The following CNTNAP2 variants were observed in gnomAD, a reference collection of about 807,000 sequenced individuals.
The protein encoded by CNTNAP2 is contactin associated protein 2, also known as contactin-associated protein-like 2.
A neutral mutation model predicts 155.2 loss-of-function variants in CNTNAP2; 98 were observed. That is an observed-to-expected ratio of 0.63 (90% CI 0.54 to 0.75). The LOEUF is 0.75. CNTNAP2 is among the 30% of genes least tolerant of loss of function. The pLI is 0.00. For missense variants in CNTNAP2, 1,727 were observed against 1,688.1 expected (o/e 1.02, Z -0.40); for synonymous variants, 651 against 631.2 (o/e 1.03, Z -0.47).
intron 21 of CNTNAP2, among the ~76,000 whole-genome samples, chr7:148,326,694 G>A (rs558372369): frequency 6.6e-4 from 101 of 152,010 alleles, no homozygotes; most frequent in South Asian, 6.2e-3. Flanking sequence ...GTGAAACCCC[G>A]TCTCTACTAA....
intron 1 of CNTNAP2, among the ~76,000 whole-genome samples, chr7:146,314,288 C>T (rs1800873891): frequency 1.3e-5 from 2 of 152,178 alleles, no homozygotes; most frequent in South Asian, 4.1e-4. Flanking sequence ...GTCCAGCCTG[C>T]TGTCTTTGTT....
intron 1 of CNTNAP2, among the ~76,000 whole-genome samples, chr7:146,151,682 G>GTATATATATATATATATGTGTA (rs775446723): frequency 4.0e-5 from 3 of 74,138 alleles, no homozygotes; most frequent in Non-Finnish European, 5.5e-5. Flanking sequence ...ATATATATAT[G>GTATATATATATATATATGTGTA]TATATATATA....
At chr7:147,182,734 T>A (rs1368456570) in intron 8 of CNTNAP2, among the ~76,000 whole-genome samples, 1 of 152,124 alleles carries the variant, frequency 6.6e-6, no homozygotes, top group Non-Finnish European at 1.5e-5. Flanking sequence ...TTTATTTTTT[T>A]ATTATTTCTC....
intron 2 of CNTNAP2, among the ~76,000 whole-genome samples, chr7:146,839,156 C>T (rs1025695364): frequency 2.0e-5 from 3 of 152,052 alleles, no homozygotes; most frequent in Non-Finnish European, 2.9e-5. Context: ...GTTAAATAAA[C>T]ATTCTTCCTG....
chr7:146,171,737 A>C (rs1798393679), intron 1 of CNTNAP2, among the ~76,000 whole-genome samples: 1 of 152,134 alleles, frequency 6.6e-6, no homozygotes. Context: ...TAGTATCATA[A>C]AACATATATA....
intron 13 of CNTNAP2, among the ~76,000 whole-genome samples, chr7:147,692,895 G>T (rs926062576): frequency 2.0e-5 from 3 of 151,844 alleles, no homozygotes; most frequent in Admixed American, 1.3e-4. Flanking sequence ...CTTAGATGTT[G>T]TATCTAAAAA....
intron 8 of CNTNAP2, among the ~76,000 whole-genome samples, chr7:147,142,643 G>A (rs1197735484): frequency 6.6e-6 from 1 of 152,118 alleles, no homozygotes; most frequent in Admixed American, 6.6e-5. Context: ...AGTTTCAGAA[G>A]GAATGGCACC....
chr7:148,217,149 G>A (rs900375027), intron 18 of CNTNAP2, 139 bp from the exon 19 acceptor site: 10 of 746,804 alleles, frequency 1.3e-5, no homozygotes, highest in African/African-American at 1.1e-4. Context: ...TGATGCAATA[G>A]CATCTTTCTC....
At chr7:147,722,916 G>C (rs943020557) in intron 13 of CNTNAP2, among the ~76,000 whole-genome samples, 3 of 152,056 alleles carry the variant, frequency 2.0e-5, no homozygotes, top group African/African-American at 7.2e-5. Context: ...TCTGAACAAT[G>C]CTATAGATAG....
intron 11 of CNTNAP2, among the ~76,000 whole-genome samples, chr7:147,517,560 C>G (rs957917675): frequency 6.6e-6 from 1 of 152,160 alleles, no homozygotes; most frequent in African/African-American, 2.4e-5. Context: ...GTATATAGCA[C>G]TGGAGTAGCA....
intron 15 of CNTNAP2, among the ~76,000 whole-genome samples, chr7:147,986,652 C>A (rs1176842869): frequency 6.6e-6 from 1 of 152,030 alleles, no homozygotes; most frequent in Non-Finnish European, 1.5e-5. Context: ...TTAGTAATTC[C>A]CCAGGGCCAA....
intron 1 of CNTNAP2, among the ~76,000 whole-genome samples, chr7:146,500,763 T>A (rs1345980197): frequency 6.6e-6 from 1 of 152,184 alleles, no homozygotes; most frequent in Admixed American, 6.6e-5. Context: ...CAGTGTAGAA[T>A]AGAAGTGGGC....
At chr7:147,826,558 C>T (rs1319546499) in intron 13 of CNTNAP2, among the ~76,000 whole-genome samples, 1 of 152,138 alleles carries the variant, frequency 6.6e-6, no homozygotes, top group Non-Finnish European at 1.5e-5. Context: ...GATCCATAGA[C>T]TTATCAAATT....
intron 15 of CNTNAP2, among the ~76,000 whole-genome samples, chr7:148,022,202 C>T (rs1186655009): frequency 1.3e-5 from 2 of 151,894 alleles, no homozygotes; most frequent in African/African-American, 4.8e-5. Flanking sequence ...AAAAATGTGG[C>T]TCACGCCTGT....
chr7:146,946,019 G>A (rs1797162993), intron 3 of CNTNAP2, among the ~76,000 whole-genome samples: 2 of 152,044 alleles, frequency 1.3e-5, no homozygotes, highest in Admixed American at 1.3e-4. Flanking sequence ...CCTTTGGTGG[G>A]TTTTCTACCA....
rs181739490 is a variant in CNTNAP2 at position 147,056,680 on chromosome 7, C to A, written c.550+12626C>A. Among the ~76,000 whole-genome samples the A allele has an allele frequency of 1.2e-3, 190 of 152,274 alleles. 3 individuals are homozygous for A. The highest frequency in any genetic ancestry group is 4.0e-3 in the African/African-American group (167 of 41,566). On this transcript the variant is annotated intron_variant, in intron 4 of 23. Coordinates refer to ENST00000361727, the MANE Select transcript of CNTNAP2 (RefSeq NM_014141.6). ...TTAGTAATTTTTGCAACAAAACCTA[C>A]CCAGTGAGGGTCCCAGAAGGCTATC...
intron 3 of CNTNAP2, among the ~76,000 whole-genome samples, chr7:146,875,713 A>G (rs147573877): frequency 1.3e-4 from 19 of 151,934 alleles, no homozygotes; most frequent in Non-Finnish European, 2.6e-4. Context: ...GGTGGCCTAA[A>G]ACCCAGGTCC....
Position 148,409,405 on chromosome 7 carries a change from C to G in CNTNAP2, c.3730C>G (p.Pro1244Ala). The change falls in exon 23 of 24, where the codon CCA becomes GCA. Residue 1244 changes from proline (P) to alanine (A), a missense_variant. Physicochemically the swap from Pro to Ala is conservative, Grantham distance 27 (BLOSUM62 -1). Transcript: ENST00000361727. ...DHLDSASADF[P>A]YNPGQGQAIR... The stretch of plus-strand genomic sequence containing the variant: ...TTTCTCTACAGCCAGTGCGGATTTT[C>G]CATATAATCCAGGACAAGGCCAAGC... 1 of 1,612,768 alleles carries G rather than the reference C, an allele frequency of 6.2e-7. No homozygotes were observed. The highest frequency in any genetic ancestry group is 8.5e-7 in the Non-Finnish European group (1 of 1,179,102).
intron 9 of CNTNAP2, among the ~76,000 whole-genome samples, chr7:147,338,428 T>G (rs1795701304): frequency 1.3e-5 from 2 of 152,190 alleles, no homozygotes; most frequent in Admixed American, 1.3e-4. Context: ...CAGTCTACAC[T>G]GATTTTTTTA....
Sources: allele counts gnomAD v4.1 joint callset (sites outside exome capture counted in the v4.1 genomes callset), GRCh38; gene constraint gnomAD v4.1.1; transcripts MANE v1.5; gene names NCBI Gene and HGNC (gene_info 2026-07-23, HGNC 2026-07-21).